The following NRAP variants were observed in gnomAD, a reference collection of about 807,000 sequenced individuals.
NRAP encodes nebulin-related-anchoring protein.
A neutral mutation model predicts 225.9 loss-of-function variants in NRAP; 189 were observed. The observed-to-expected ratio is 0.84, with a 90% CI of 0.74 to 0.94. The LOEUF (loss-of-function observed/expected upper bound fraction) is 0.94, where lower values mean the gene tolerates loss of function less well. Among genes scored for constraint, NRAP ranks in the 40% least tolerant of loss-of-function variants. The pLI, the probability that NRAP is intolerant of heterozygous loss-of-function variation, is 0.00. For missense variants in NRAP, 2,176 were observed against 2,168.7 expected (o/e 1.00, Z -0.07); for synonymous variants, 769 against 790.7 (o/e 0.97, Z 0.46).
At position 113,650,140 on chromosome 10, in the gene NRAP, A is replaced by C; in HGVS notation, c.785T>G (p.Val262Gly). The change falls in exon 9 of 42, where the codon GTG becomes GGG. Residue 262 changes from valine (V) to glycine (G), a missense_variant and splice_region_variant. Coordinates refer to ENST00000359988, the MANE Select transcript of NRAP (RefSeq NM_198060.4). ...TTTTTGATATTGTTGATGGTACCTCACCTGTTTTAAGGCAAAGGACAAACT... is the reference window on the plus strand; with the variant it reads ...TTTTTGATATTGTTGATGGTACCTCCCCTGTTTTAAGGCAAAGGACAAACT... ...AKRANELASDVRYHQQYQKEM... is the reference protein window; with the variant it reads ...AKRANELASDGRYHQQYQKEM... The C allele has an allele frequency of 6.2e-7, 1 of 1,600,648 alleles. No homozygotes were observed. The highest frequency in any genetic ancestry group is 8.6e-7 in the Non-Finnish European group (1 of 1,168,262).
At chr10:113,623,763 G>T in intron 22 of NRAP, 127 bp from the exon 23 acceptor site, 1 of 649,864 alleles carries the variant, frequency 1.5e-6, no homozygotes. Flanking sequence ...TTCTCTGAGA[G>T]CCACAGAAAT....
chr10:113,613,075 T>C (rs1056827662), intron 29 of NRAP, among the ~76,000 whole-genome samples: 23 of 152,288 alleles, frequency 1.5e-4, no homozygotes, highest in African/African-American at 5.3e-4. Context: ...AATAATCAGA[T>C]GCAGAATCAC....
intron 35 of NRAP, among the ~76,000 whole-genome samples, chr10:113,599,806 C>A (rs546311194): frequency 1.5e-4 from 23 of 149,888 alleles, no homozygotes; most frequent in Admixed American, 4.6e-4. Context: ...TAATGAGAGA[C>A]CTTTCAAAGC....
At chr10:113,615,868 C>T in intron 26 of NRAP, 52 bp from the exon 27 acceptor site, 2 of 1,027,118 alleles carry the variant, frequency 1.9e-6, no homozygotes, top group South Asian at 2.6e-5. Flanking sequence ...TCCATGCAGC[C>T]ATCAGCCAGG....
At chr10:113,649,578 T>C (rs919734820) in intron 9 of NRAP, among the ~76,000 whole-genome samples, 3 of 152,222 alleles carry the variant, frequency 2.0e-5, no homozygotes, top group African/African-American at 7.2e-5. Context: ...GTTTGCATTC[T>C]CTGGCATACT....
chr10:113,614,689 C>T, intron 28 of NRAP, 150 bp downstream of exon 28: 1 of 630,018 alleles, frequency 1.6e-6, no homozygotes, highest in Non-Finnish European at 2.9e-6. Context: ...TATGTTCTTT[C>T]TCACTGGTCA....
At chr10:113,646,046 C>A (rs897663832) in intron 10 of NRAP, 105 bp from the exon 11 acceptor site, 8 of 596,842 alleles carry the variant, frequency 1.3e-5, no homozygotes, top group Admixed American at 5.6e-5. Context: ...TTACTTAATA[C>A]AATTTTCTGA....
intron 25 of NRAP, among the ~76,000 whole-genome samples, chr10:113,619,739 A>G (rs1482296277): frequency 6.6e-6 from 1 of 152,030 alleles, no homozygotes; most frequent in Non-Finnish European, 1.5e-5. Flanking sequence ...CTCTGAAGAC[A>G]ACTAGGCAAA....
rs114412128 is a variant in NRAP, at chr10:113,620,033, C to T, written c.2874+571G>A. On this transcript the variant is annotated intron_variant, in intron 25 of 41. Coordinates refer to ENST00000359988, the MANE Select transcript of NRAP (RefSeq NM_198060.4). ...CGTCAGTAGTGCCGAAGTTGAAAAA[C>T]TCAGAAAGAGCTGCTCATTGACACT... is the stretch of plus-strand genomic sequence containing the variant. Among the ~76,000 whole-genome samples, 1,154 of 152,294 alleles carry T rather than the reference C, an allele frequency of 7.6e-3. 16 individuals carry two copies. Among genetic ancestry groups the T allele is most frequent in the African/African-American group, 0.026 (1,080 of 41,564 alleles).
At chr10:113,598,351 G>A (rs958039633) in intron 35 of NRAP, among the ~76,000 whole-genome samples, 11 of 150,404 alleles carry the variant, frequency 7.3e-5, no homozygotes, top group East Asian at 2.0e-4. Flanking sequence ...GTGGACGATC[G>A]CATAAAGAAA....
At chr10:113,589,449 C>T in intron 41 of NRAP, 1 of 614,750 alleles carries the variant, frequency 1.6e-6, no homozygotes, top group South Asian at 2.1e-5. Flanking sequence ...GAACTAATGG[C>T]TGTGACTTCA....
intron 31 of NRAP, among the ~76,000 whole-genome samples, chr10:113,609,565 T>C (rs1847199578): frequency 6.6e-6 from 1 of 152,218 alleles, no homozygotes; most frequent in Non-Finnish European, 1.5e-5. Context: ...GACTTCTTTA[T>C]TTTTACCAAG....
chr10:113,595,528 C>G (rs1201620979), intron 38 of NRAP, 95 bp downstream of exon 38: 6 of 759,088 alleles, frequency 7.9e-6, no homozygotes, highest in Non-Finnish European at 1.4e-5. Context: ...GTCCTCCTTC[C>G]TAGAACTTTT....
At chr10:113,624,786 G>T in intron 22 of NRAP, 40 bp downstream of exon 22, 2 of 1,459,254 alleles carry the variant, frequency 1.4e-6, no homozygotes, top group Non-Finnish European at 1.9e-6. Context: ...TATACACAAA[G>T]GGGAGCAGAG....
intron 35 of NRAP, among the ~76,000 whole-genome samples, chr10:113,603,643 C>T (rs1456120077): frequency 6.6e-6 from 1 of 152,132 alleles, no homozygotes; most frequent in African/African-American, 2.4e-5. Context: ...AGAGCCTAGG[C>T]CCTGCTCAGA....
At chr10:113,630,553 G>A (rs1848523466) in intron 18 of NRAP, among the ~76,000 whole-genome samples, 1 of 152,098 alleles carries the variant, frequency 6.6e-6, no homozygotes, top group South Asian at 2.1e-4. Flanking sequence ...AGAGTTCTAG[G>A]CTCTAATTTG....
chr10:113,632,043 T>A (rs886075211), intron 16 of NRAP, 79 bp from the exon 17 acceptor site: 3 of 937,002 alleles, frequency 3.2e-6, no homozygotes, highest in Non-Finnish European at 3.5e-6. Flanking sequence ...CAAAGCAAAG[T>A]TGGATTTTTC....
intron 11 of NRAP, among the ~76,000 whole-genome samples, chr10:113,645,187 T>C (rs1849428170): frequency 6.6e-6 from 1 of 152,168 alleles, no homozygotes; most frequent in Non-Finnish European, 1.5e-5. Context: ...AGATGTTTGA[T>C]TTGTTTAAAA....
chr10:113,595,555 A>T, intron 38 of NRAP, 68 bp downstream of exon 38: 1 of 996,644 alleles, frequency 1.0e-6, no homozygotes, highest in Non-Finnish European at 1.6e-6. Context: ...AAAAAAACGA[A>T]ATCCACATTG....
Sources: gnomAD v4.1 joint callset for allele counts (sites outside exome capture counted in the v4.1 genomes callset) on GRCh38, gnomAD v4.1.1 for gene constraint, MANE v1.5 for transcripts, NCBI Gene and HGNC (gene_info 2026-07-23, HGNC 2026-07-21) for gene names.